CHST11: variants seen among roughly 807,000 people sequenced by gnomAD.
CHST11 encodes the protein C4S-1.
In CHST11, 9 loss-of-function variants were observed where a neutral mutation model predicts 30.4. The observed-to-expected ratio is 0.30, with a 90% CI of 0.18 to 0.52. CHST11 has a LOEUF of 0.52. Ranked by LOEUF, CHST11 falls within the 20% of genes least tolerant of loss-of-function variation. CHST11 has a pLI of 0.97. For missense variants in CHST11, 348 were observed against 460.6 expected (o/e 0.76, Z 2.24); for synonymous variants, 152 against 187.8 (o/e 0.81, Z 1.56).
At chr12:104,539,371 T>C (rs1795862) in intron 1 of CHST11, among the ~76,000 whole-genome samples, 89,498 of 152,100 alleles carry the variant, frequency 0.59, 26,997 homozygotes, top group East Asian at 0.97. Context: ...TAGTAGTTAG[T>C]GTTTGTTTTT....
intron 1 of CHST11, among the ~76,000 whole-genome samples, chr12:104,525,519 C>G (rs1393096006): frequency 2.0e-5 from 3 of 152,116 alleles, no homozygotes; most frequent in Non-Finnish European, 4.4e-5. Context: ...TTTTGCTGTT[C>G]TCTACCTGTG....
intron 2 of CHST11, among the ~76,000 whole-genome samples, chr12:104,703,638 C>T (rs2040008329): frequency 6.6e-6 from 1 of 152,190 alleles, no homozygotes; most frequent in African/African-American, 2.4e-5. Flanking sequence ...CACACTCACA[C>T]CTCCAAGGGC....
At chr12:104,691,198 G>A (rs777052041) in intron 2 of CHST11, among the ~76,000 whole-genome samples, 17 of 152,284 alleles carry the variant, frequency 1.1e-4, no homozygotes, top group Middle Eastern at 3.4e-3. Context: ...AATAAGGCAC[G>A]GGAAGGGTTG....
intron 1 of CHST11, among the ~76,000 whole-genome samples, chr12:104,526,264 T>C (rs1304662388): frequency 6.6e-6 from 1 of 151,964 alleles, no homozygotes; most frequent in Non-Finnish European, 1.5e-5. Flanking sequence ...AGAATTTCTC[T>C]TGGTGTTTTT....
At chr12:104,607,293 G>A (rs538597995) in intron 2 of CHST11, among the ~76,000 whole-genome samples, 2 of 152,116 alleles carry the variant, frequency 1.3e-5, no homozygotes, top group Non-Finnish European at 2.9e-5. Context: ...ATAAAAGCTT[G>A]TAATAGTCCA....
At chr12:104,548,260 G>A (rs2136007086) in intron 1 of CHST11, among the ~76,000 whole-genome samples, 1 of 152,326 alleles carries the variant, frequency 6.6e-6, no homozygotes, top group Non-Finnish European at 1.5e-5. Context: ...AGGGAAGGAG[G>A]CAAGGAGGCA....
chr12:104,512,418 A>G (rs2037974171), intron 1 of CHST11, among the ~76,000 whole-genome samples: 1 of 152,156 alleles, frequency 6.6e-6, no homozygotes, highest in African/African-American at 2.4e-5. Context: ...TGTGCTAGGA[A>G]CTGTTCAGTT....
chr12:104,757,919 G>A lies in CHST11; in HGVS notation c.*116G>A. 2 of 1,113,512 alleles carry A rather than the reference G, an allele frequency of 1.8e-6. No homozygotes were observed. The highest frequency in any genetic ancestry group is 2.5e-6 in the Non-Finnish European group (2 of 794,870). 69.0% of individuals were successfully genotyped at this position (1,113,512 alleles called of 1,614,324 possible). A position where few individuals can be genotyped will look rare whatever the true frequency, so the allele number is the denominator to read the frequency against. On this transcript the variant is annotated 3_prime_UTR_variant, in exon 3 of 3. Coordinates refer to ENST00000303694, the MANE Select transcript of CHST11 (RefSeq NM_018413.6). The surrounding 1 kb of genome is among the most constrained non-coding windows in gnomAD (Gnocchi z 6.5). ...TTAATATTTCTTTGGGGATGATGCT[G>A]CGAGCAGCATAGTGAGAATTATTTA...
intron 2 of CHST11, among the ~76,000 whole-genome samples, chr12:104,665,476 C>T (rs891038238): frequency 3.3e-5 from 5 of 152,110 alleles, no homozygotes; most frequent in African/African-American, 9.7e-5. Flanking sequence ...CCTGGGGTCA[C>T]GCTGCCTAGG....
chr12:104,479,604 T>G (rs2037598672), intron 1 of CHST11, among the ~76,000 whole-genome samples: 1 of 152,202 alleles, frequency 6.6e-6, no homozygotes, highest in South Asian at 2.1e-4. Context: ...CTTGTTTTTC[T>G]GATGAATAAC....
chr12:104,700,144 T>C (rs2039979314), intron 2 of CHST11, among the ~76,000 whole-genome samples: 1 of 152,254 alleles, frequency 6.6e-6, no homozygotes, highest in East Asian at 1.9e-4. Context: ...ATCTGGTTTT[T>C]TTTAAATCAG....
chr12:104,534,827 GA>G (rs2038221276), intron 1 of CHST11, among the ~76,000 whole-genome samples: 1 of 152,196 alleles, frequency 6.6e-6, no homozygotes, highest in South Asian at 2.1e-4. Context: ...TTAAGCACCA[GA>G]ATGTAAGGGC....
At chr12:104,613,102 G>C (rs1259328754) in intron 2 of CHST11, among the ~76,000 whole-genome samples, 14 of 151,946 alleles carry the variant, frequency 9.2e-5, no homozygotes, top group Admixed American at 3.9e-4. Context: ...GCACGTGCCT[G>C]TAGCCCCAGG....
At position 104,757,177 on chromosome 12, in the gene CHST11, A is replaced by G. The variant is rs2040484405; in HGVS notation, c.433A>G (p.Ser145Gly). 6.2e-7 allele frequency: 1 copy of G among 1,614,132 alleles called. No individual in the cohort carries two copies. The highest frequency in any genetic ancestry group is 2.2e-5 in the East Asian group (1 of 44,864). Residue 145 changes from serine to glycine, a missense_variant, in exon 3 of 3, where the codon AGC (serine) becomes GGC (glycine). By Grantham distance (56) the Ser-to-Gly change is moderately conservative (BLOSUM62 0). Around this residue, in one of 3 missense-constraint regions of CHST11, gnomAD observed 210 missense variants for 287.2 expected, o/e 0.73. Coordinates refer to ENST00000303694, the MANE Select transcript of CHST11 (RefSeq NM_018413.6). This position sits in a 1 kb window ranked among gnomAD's most constrained non-coding sequence, Gnocchi z 6.5. ...GGTCCTGACCGGGCGGGGGAAGTAC[A>G]GCGACCCCATGGAGATCCCGGCCAA... ...MMVLTGRGKY[S>G]DPMEIPANEA...
chr12:104,623,443 G>T (rs1002969416), intron 2 of CHST11, among the ~76,000 whole-genome samples: 4 of 152,238 alleles, frequency 2.6e-5, no homozygotes, highest in Non-Finnish European at 5.9e-5. Flanking sequence ...GGACGAAGTG[G>T]CTCACGCCTG....
At chr12:104,516,032 C>T (rs1259602100) in intron 1 of CHST11, among the ~76,000 whole-genome samples, 3 of 152,104 alleles carry the variant, frequency 2.0e-5, no homozygotes, top group Non-Finnish European at 2.9e-5. Context: ...GAAGGGAGAC[C>T]ATGTAGTGCA....
At chr12:104,521,016 CT>C (rs1048023042) in intron 1 of CHST11, among the ~76,000 whole-genome samples, 14 of 152,122 alleles carry the variant, frequency 9.2e-5, no homozygotes, top group African/African-American at 3.4e-4. Context: ...TTAGACATGT[CT>C]TTTTTTCCCC....
rs1327125916 is a variant in CHST11, at chr12:104,461,648, C to T, written c.118+4119C>T. On this transcript the variant is annotated intron_variant, in intron 1 of 2. Coordinates refer to ENST00000303694, the MANE Select transcript of CHST11 (RefSeq NM_018413.6). ...TTCAGAGGAGAAAGCCTTTTCTCTC[C>T]TGTCTGCTTCCTCTCTATTATTTTT... is the stretch of plus-strand genomic sequence containing the variant. Among the ~76,000 whole-genome samples, 3 of 152,300 alleles carry T rather than the reference C, an allele frequency of 2.0e-5. No homozygotes were observed. In the East Asian group the frequency reaches 5.8e-4, roughly 29 times the overall value.
intron 1 of CHST11, among the ~76,000 whole-genome samples, chr12:104,482,398 C>A (rs1593960382): frequency 6.6e-6 from 1 of 151,050 alleles, no homozygotes; most frequent in African/African-American, 2.4e-5. Flanking sequence ...CTGGTGTTTA[C>A]TTCTTTTAAG....
Sources: allele counts gnomAD v4.1 joint callset (sites outside exome capture counted in the v4.1 genomes callset), GRCh38; gene constraint gnomAD v4.1.1; regional missense constraint gnomAD v4.1.1; non-coding constraint Gnocchi (gnomAD v3.1); transcripts MANE v1.5; gene names NCBI Gene and HGNC (gene_info 2026-07-23, HGNC 2026-07-21).